ASPHD1: variants seen among roughly 807,000 people sequenced by gnomAD.
ASPHD1 encodes the protein aspartate beta-hydroxylase domain containing 1, also known as aspartate beta-hydroxylase domain-containing protein 1.
Under a neutral mutation model 28.3 loss-of-function variants are expected in ASPHD1, and 20 were observed. The ratio of observed to expected loss-of-function variants is 0.71; its 90% CI spans 0.50 to 1.03. The LOEUF is 1.03. Ranked by LOEUF, ASPHD1 falls within the 50% of genes least tolerant of loss-of-function variation. ASPHD1 has a pLI of 0.00. For synonymous variants in ASPHD1, 240 were observed against 221.2 expected, an observed-to-expected ratio of 1.08 and a Z score of -0.75; for missense variants, 479 against 524.1, an observed-to-expected ratio of 0.91 and a Z score of 0.84.
chr16:29,907,161 G>C, downstream of ASPHD1: 1 of 1,317,290 alleles, frequency 7.6e-7, no homozygotes, highest in Non-Finnish European at 1.1e-6. Flanking sequence ...GTCACGCAGG[G>C]CCATCCCCCT....
intron 1 of ASPHD1, 83 bp downstream of exon 1, chr16:29,902,003 G>T: frequency 1.7e-6 from 2 of 1,151,322 alleles, no homozygotes; most frequent in South Asian, 2.1e-5. Context: ...GCCGTCTGCT[G>T]TCTGGTTCTC....
At chr16:29,917,238 T>C (rs962335718) in intron 3 of ASPHD1, among the ~76,000 whole-genome samples, 3 of 152,138 alleles carry the variant, frequency 2.0e-5, no homozygotes, top group Non-Finnish European at 4.4e-5. Context: ...TACCTGGCAC[T>C]GGGAAAACTA....
chr16:29,905,908 T>A lies in ASPHD1; in HGVS notation c.*11T>A. 1 of 1,569,862 alleles carries A rather than the reference T, an allele frequency of 6.4e-7. No individual in the cohort carries two copies. Among genetic ancestry groups the A allele is most frequent in the Non-Finnish European group, 8.7e-7 (1 of 1,152,074 alleles). Reference sequence around the variant, plus strand: ...GCCCCAGACCCTTGAAGGAAGGTGCTCCCTTCACACACCCAGGCTGGAGAG... The same window carrying A: ...GCCCCAGACCCTTGAAGGAAGGTGCACCCTTCACACACCCAGGCTGGAGAG... On this transcript the variant is annotated 3_prime_UTR_variant, in exon 3 of 3. Transcript: ENST00000308748.
rs751928998 is a variant in ASPHD1, at chr16:29,901,198, C to A, written c.227C>A (p.Ala76Asp). Residue 76 changes from alanine (A) to aspartate (D), a missense_variant, in exon 1 of 3, where the codon GCC (alanine) becomes GAC (aspartate). Physicochemically the swap from Ala to Asp is moderately radical, Grantham distance 126 (BLOSUM62 -2). Transcript: ENST00000308748. This position sits in a 1 kb window ranked among gnomAD's most constrained non-coding sequence, Gnocchi z 5.1. Reference protein sequence around the residue: ...LIMLPWPLPLASSALTLLFGA... With the variant: ...LIMLPWPLPLDSSALTLLFGA... ...ATGCTCCCGTGGCCACTACCCCTGG[C>A]CTCCTCGGCCCTCACCTTGCTCTTC... 3.9e-5 allele frequency: 63 copies of A among 1,613,628 alleles called. No homozygotes were observed. The highest frequency in any genetic ancestry group is 4.7e-5 in the Non-Finnish European group (55 of 1,179,888).
intron 3 of ASPHD1, among the ~76,000 whole-genome samples, chr16:29,917,557 G>A (rs898200101): frequency 7.9e-5 from 12 of 152,166 alleles, no homozygotes; most frequent in Admixed American, 2.6e-4. Flanking sequence ...CAAGGCGGGC[G>A]GATCACGAGG....
chr16:29,907,158 A>G (rs767364101), downstream of ASPHD1: 22 of 1,349,396 alleles, frequency 1.6e-5, no homozygotes, highest in Non-Finnish European at 2.1e-5. Context: ...GCAGTCACGC[A>G]GGGCCATCCC....
At chr16:29,912,090 G>A (rs2068723731) in intron 3 of ASPHD1, 4 of 1,349,828 alleles carry the variant, frequency 3.0e-6, no homozygotes, top group African/African-American at 1.4e-5. Context: ...ACAACCAAAG[G>A]CCACGTACTC....
downstream of ASPHD1, among the ~76,000 whole-genome samples, chr16:29,907,375 G>C (rs940394234): frequency 6.6e-5 from 10 of 152,166 alleles, no homozygotes; most frequent in African/African-American, 2.4e-5. Context: ...GACAAATACT[G>C]AGTGAGTGCA....
chr16:29,901,841 C>G lies in ASPHD1; in HGVS notation c.870C>G (p.Ala290=). The G allele has an allele frequency of 6.5e-7, 1 of 1,545,890 alleles. No individual in the cohort carries two copies. The highest frequency in any genetic ancestry group is 8.7e-7 in the Non-Finnish European group (1 of 1,147,052). Residue 290 remains alanine (A), a synonymous_variant, in exon 1 of 3, where the codon GCC becomes GCG. Coordinates refer to ENST00000308748, the MANE Select transcript of ASPHD1 (RefSeq NM_181718.4). The surrounding 1 kb of genome is among the most constrained non-coding windows in gnomAD (Gnocchi z 5.1). ...SFMSANTFGN[A]GFSVLLPGAR... The stretch of plus-strand genomic sequence containing the variant: ...TGAGTGCCAACACCTTCGGCAATGC[C>G]GGCTTTTCCGTTCTCCTGCCTGGGG...
downstream of ASPHD1, chr16:29,907,166 C>G (rs1478840742): frequency 8.7e-6 from 11 of 1,257,710 alleles, no homozygotes; most frequent in Non-Finnish European, 1.2e-5. Context: ...GCAGGGCCAT[C>G]CCCCTGCCTA....
intron 3 of ASPHD1, chr16:29,912,436 T>C: frequency 3.7e-6 from 1 of 269,780 alleles, no homozygotes; most frequent in Non-Finnish European, 6.9e-6. Context: ...CCTTTTGTGT[T>C]ATCAGTTTTC....
At chr16:29,909,979 G>A (rs778049044), downstream of ASPHD1, among the ~76,000 whole-genome samples, 2 of 151,768 alleles carry the variant, frequency 1.3e-5, no homozygotes. Flanking sequence ...GGTGCCTGTA[G>A]TGCCAGCTAC....
At chr16:29,911,864 C>G in intron 3 of ASPHD1, 1 of 1,612,088 alleles carries the variant, frequency 6.2e-7, no homozygotes, top group Non-Finnish European at 8.5e-7. Context: ...AGCTTCACCA[C>G]GGGCTGGCGG....
rs764984087 is a variant in ASPHD1, at chr16:29,905,933, G to C, written c.*36G>C. 1.0e-5 allele frequency: 15 copies of C among 1,468,456 alleles called. No homozygotes were observed. The South Asian group carries it at 1.6e-4, about 16-fold the overall frequency. The allele number at this position is 1,468,456 out of a possible 1,614,324, so 91.0% of individuals were successfully genotyped here. ...TCCCTTCACACACCCAGGCTGGAGAGACACTGCGCTCAGGGACGGCTTGAT... is the reference window on the plus strand; with the variant it reads ...TCCCTTCACACACCCAGGCTGGAGACACACTGCGCTCAGGGACGGCTTGAT... On this transcript the variant is annotated 3_prime_UTR_variant, in exon 3 of 3. Transcript: ENST00000308748.
At chr16:29,911,331 G>A in intron 3 of ASPHD1, 1 of 628,596 alleles carries the variant, frequency 1.6e-6, no homozygotes, top group South Asian at 2.0e-5. Flanking sequence ...GGCTAAACGG[G>A]TCTCAGAAGG....
chr16:29,912,096 T>C (rs778900997), intron 3 of ASPHD1: 30 of 1,303,468 alleles, frequency 2.3e-5, no homozygotes, highest in Non-Finnish European at 3.3e-5. Flanking sequence ...AAAGGCCACG[T>C]ACTCCCCCAC....
At position 29,901,510 on chromosome 16, in the gene ASPHD1, G is replaced by A. The variant is rs558205057; in HGVS notation, c.539G>A (p.Gly180Glu). 16 of 1,596,246 alleles carry A rather than the reference G, an allele frequency of 1.0e-5. No individual in the cohort carries two copies. The highest frequency in any genetic ancestry group is 1.3e-5 in the African/African-American group (1 of 74,436). The change falls in exon 1 of 3, where the codon GGG becomes GAG. Residue 180 changes from glycine (G) to glutamate (E), a missense_variant. Physicochemically the swap from Gly to Glu is moderately conservative, Grantham distance 98. Transcript: ENST00000308748. This position sits in a 1 kb window ranked among gnomAD's most constrained non-coding sequence, Gnocchi z 5.1. ...QGGPGPGRGP[G>E]VLGIQRPGLL... ...GGCCCAGGCCCTGGGAGAGGGCCAGGGGTCCTAGGTATTCAGCGCCCAGGC... is the reference window on the plus strand; with the variant it reads ...GGCCCAGGCCCTGGGAGAGGGCCAGAGGTCCTAGGTATTCAGCGCCCAGGC...
downstream of ASPHD1, chr16:29,907,011 C>A (rs762459459): frequency 1.1e-5 from 17 of 1,614,070 alleles, no homozygotes; most frequent in African/African-American, 2.7e-5. Flanking sequence ...AGCTGCTCCC[C>A]CTGTGGCCTC....
chr16:29,907,950 C>G (rs2150832219), downstream of ASPHD1, among the ~76,000 whole-genome samples: 1 of 150,562 alleles, frequency 6.6e-6, no homozygotes, highest in South Asian at 2.1e-4. Context: ...TCAAAGCCAG[C>G]CTGGGCAATG....
Sources: allele counts gnomAD v4.1 joint callset (sites outside exome capture counted in the v4.1 genomes callset), GRCh38; gene constraint gnomAD v4.1.1; non-coding constraint Gnocchi (gnomAD v3.1); transcripts MANE v1.5; gene names NCBI Gene and HGNC (gene_info 2026-07-23, HGNC 2026-07-21).